The following IGF2BP3 variants were observed in gnomAD, a reference collection of about 807,000 sequenced individuals.
IGF2BP3 encodes insulin like growth factor 2 mRNA binding protein 3.
A neutral mutation model predicts 73.8 loss-of-function variants in IGF2BP3; 9 were observed. The observed-to-expected ratio is 0.12, with a 90% CI of 0.07 to 0.21. The LOEUF (loss-of-function observed/expected upper bound fraction) is 0.21. IGF2BP3 is among the 10% of genes least tolerant of loss of function. IGF2BP3 has a pLI of 1.00. For synonymous variants in IGF2BP3, 258 were observed against 256.7 expected, an observed-to-expected ratio of 1.01 and a Z score of -0.05; for missense variants, 542 against 714.0, an observed-to-expected ratio of 0.76 and a Z score of 2.75.
chr7:23,417,464 T>C lies in IGF2BP3; in HGVS notation c.285+1312A>G, dbSNP rs1787224012. Among the ~76,000 whole-genome samples the C allele has an allele frequency of 7.2e-5, 11 of 152,206 alleles. No homozygotes were observed. The South Asian group carries it at 2.3e-3, about 32-fold the overall frequency. ...ATACCCAGAATAAGGGAAAATGCAA[T>C]AAACTAAAAGCTAAATTCTCTAAAT... On this transcript the variant is annotated intron_variant, in intron 3 of 14. Transcript: ENST00000258729.
chr7:23,349,500 T>C (rs1784908466), intron 6 of IGF2BP3, among the ~76,000 whole-genome samples: 1 of 152,180 alleles, frequency 6.6e-6, no homozygotes, highest in African/African-American at 2.4e-5. Flanking sequence ...ATGCCTGTCT[T>C]CCAGCAACAC....
intron 3 of IGF2BP3, among the ~76,000 whole-genome samples, chr7:23,373,176 A>G (rs939316387): frequency 3.2e-4 from 49 of 152,220 alleles, no homozygotes; most frequent in Admixed American, 2.5e-3. Flanking sequence ...CAAGTACTAA[A>G]TACGATACTT....
At chr7:23,372,323 CT>C (rs545340435) in intron 3 of IGF2BP3, among the ~76,000 whole-genome samples, 49 of 152,206 alleles carry the variant, frequency 3.2e-4, no homozygotes, top group Admixed American at 6.5e-4. Flanking sequence ...TCTGCCCCCC[CT>C]GGCCTCCCAA....
intron 2 of IGF2BP3, among the ~76,000 whole-genome samples, chr7:23,456,857 C>A (rs1363632544): frequency 6.6e-6 from 1 of 152,092 alleles, no homozygotes; most frequent in African/African-American, 2.4e-5. Context: ...ACCATCCTGG[C>A]CAACCAATAT....
At chr7:23,447,292 C>CA (rs1172825599) in intron 2 of IGF2BP3, among the ~76,000 whole-genome samples, 5 of 151,730 alleles carry the variant, frequency 3.3e-5, no homozygotes, top group African/African-American at 1.2e-4. Context: ...AACAAACAAA[C>CA]AAAAAACTAG....
intron 3 of IGF2BP3, among the ~76,000 whole-genome samples, chr7:23,394,153 A>C (rs964477976): frequency 6.6e-6 from 1 of 152,230 alleles, no homozygotes; most frequent in African/African-American, 2.4e-5. Flanking sequence ...ACACCTGCAC[A>C]ACTTAAAAAA....
chr7:23,321,597 T>C (rs1784153458), intron 10 of IGF2BP3, among the ~76,000 whole-genome samples: 1 of 152,222 alleles, frequency 6.6e-6, no homozygotes, highest in Admixed American at 6.5e-5. Context: ...TGCCTGCCTC[T>C]GTAGGCTCCA....
At chr7:23,387,970 T>C (rs1786141203) in intron 3 of IGF2BP3, among the ~76,000 whole-genome samples, 1 of 152,092 alleles carries the variant, frequency 6.6e-6, no homozygotes, top group Non-Finnish European at 1.5e-5. Context: ...GGAGTCTCGC[T>C]CTGTTGCCCA....
intron 3 of IGF2BP3, among the ~76,000 whole-genome samples, chr7:23,366,561 A>G (rs559293220): frequency 2.0e-5 from 3 of 151,876 alleles, no homozygotes; most frequent in South Asian, 4.1e-4. Context: ...AAAAAAGAAA[A>G]AAAAAAAAAA....
chr7:23,451,095 A>G (rs576428488), intron 2 of IGF2BP3, among the ~76,000 whole-genome samples: 2 of 152,184 alleles, frequency 1.3e-5, no homozygotes, highest in South Asian at 4.1e-4. Context: ...AAAGAAACTT[A>G]CAAAAATGAA....
In IGF2BP3 at chr7:23,312,258, A is replaced by G. The variant is rs975585163; in HGVS notation, c.*104T>C. ...CTCAGAAACAACTGGCTAGGTAAAA[A>G]CTTGTGCATGTGATTCTGGATAGGG... is the stretch of plus-strand genomic sequence containing the variant. On this transcript the variant is annotated 3_prime_UTR_variant, in exon 15 of 15. Coordinates refer to ENST00000258729, the MANE Select transcript of IGF2BP3 (RefSeq NM_006547.3). 4 of 837,674 alleles carry G rather than the reference A, an allele frequency of 4.8e-6. No individual in the cohort carries two copies. The highest frequency in any genetic ancestry group is 3.4e-5 in the African/African-American group (2 of 58,780). The allele number at this position is 837,674 out of a possible 1,614,324, so 51.9% of individuals were successfully genotyped here.
rs1012012434 is a variant in IGF2BP3, at chr7:23,468,345, A to C, written c.236+137T>G. The C allele has an allele frequency of 5.2e-5, 45 of 870,086 alleles. 1 individual carries two copies. In the South Asian group the frequency reaches 6.5e-4, roughly 13 times the overall value. The allele number at this position is 870,086 out of a possible 1,614,324, so 53.9% of individuals were successfully genotyped here. A position where few individuals can be genotyped will look rare whatever the true frequency, so the allele number is the denominator to read the frequency against. On this transcript the variant is annotated intron_variant, in intron 2 of 14. Transcript: ENST00000258729. ...CACACACACCCCCGCCATAAACTTA[A>C]AAGCAAGGATTAAAGACCGGAACAC...
chr7:23,366,718 A>T (rs1785384444), intron 3 of IGF2BP3, among the ~76,000 whole-genome samples: 1 of 152,108 alleles, frequency 6.6e-6, no homozygotes, highest in Admixed American at 6.6e-5. Flanking sequence ...TTGATGTCTT[A>T]CTCAAAGTTT....
intron 2 of IGF2BP3, among the ~76,000 whole-genome samples, chr7:23,427,344 T>C (rs560849302): frequency 4.2e-4 from 64 of 152,320 alleles, no homozygotes; most frequent in African/African-American, 1.5e-3. Context: ...GTATCTATCA[T>C]TGGCTTTTCC....
intron 3 of IGF2BP3, among the ~76,000 whole-genome samples, chr7:23,404,621 T>C (rs1786770867): frequency 6.6e-6 from 1 of 152,188 alleles, no homozygotes; most frequent in African/African-American, 2.4e-5. Flanking sequence ...ACAATAGACA[T>C]CTAGGCAAGA....
chr7:23,403,553 A>G (rs1692455236), intron 3 of IGF2BP3, among the ~76,000 whole-genome samples: 1 of 152,198 alleles, frequency 6.6e-6, no homozygotes, highest in Non-Finnish European at 1.5e-5. Flanking sequence ...ATTGGTGCTA[A>G]AAGTCAAAAA....
intron 3 of IGF2BP3, among the ~76,000 whole-genome samples, chr7:23,385,455 T>C (rs943317964): frequency 3.9e-5 from 6 of 152,128 alleles, no homozygotes; most frequent in African/African-American, 1.2e-4. Context: ...GCCTGGACAT[T>C]AGAATTTTTA....
intron 2 of IGF2BP3, among the ~76,000 whole-genome samples, chr7:23,436,730 A>G (rs1286288783): frequency 1.3e-5 from 2 of 152,240 alleles, no homozygotes; most frequent in Non-Finnish European, 2.9e-5. Context: ...ATTTTCTAAG[A>G]TTGTTACATT....
chr7:23,351,379 G>A lies in IGF2BP3; in HGVS notation c.609C>T (p.Pro203=). The A allele has an allele frequency of 6.2e-7, 1 of 1,613,928 alleles. No homozygotes were observed. The highest frequency in any genetic ancestry group is 8.5e-7 in the Non-Finnish European group (1 of 1,179,926). Residue 203 remains proline, a synonymous_variant, in exon 6 of 15, where the codon CCC becomes CCT. Coordinates refer to ENST00000258729, the MANE Select transcript of IGF2BP3 (RefSeq NM_006547.3). Reference sequence around the variant, plus strand: ...CTATGATGGCTCCAACAAATTGGGTGGGAACCAGCAGGCGCAGAGGCAAAT... The same window carrying A: ...CTATGATGGCTCCAACAAATTGGGTAGGAACCAGCAGGCGCAGAGGCAAAT... ...PCDLPLRLLV[P]TQFVGAIIGK...
Sources: gnomAD v4.1 joint callset for allele counts (sites outside exome capture counted in the v4.1 genomes callset) on GRCh38, gnomAD v4.1.1 for gene constraint, MANE v1.5 for transcripts, NCBI Gene and HGNC (gene_info 2026-07-23, HGNC 2026-07-21) for gene names.